Variants in ALPK1 observed in about 807,000 individuals in gnomAD.
The protein encoded by ALPK1 is alpha-protein kinase 1.
Under a neutral mutation model 120.6 loss-of-function variants are expected in ALPK1, and 110 were observed. The ratio of observed to expected loss-of-function variants is 0.91; its 90% CI spans 0.78 to 1.07. The LOEUF is 1.07. Among genes scored for constraint, ALPK1 ranks in the 50% least tolerant of loss-of-function variants. The pLI is 0.00. For synonymous variants in ALPK1, 582 were observed against 560.3 expected (o/e 1.04, Z -0.55); for missense variants, 1,498 against 1,483.9 (o/e 1.01, Z -0.16).
intron 2 of ALPK1, among the ~76,000 whole-genome samples, chr4:112,369,224 T>C (rs1161795839): frequency 1.3e-5 from 2 of 152,178 alleles, no homozygotes. Flanking sequence ...TTTAATGCAG[T>C]TTTAAAATGC....
At chr4:112,428,465 G>T (rs1734338583) in intron 9 of ALPK1, among the ~76,000 whole-genome samples, 1 of 152,204 alleles carries the variant, frequency 6.6e-6, no homozygotes, top group Non-Finnish European at 1.5e-5. Context: ...ACAGCTTGCT[G>T]ATGGTAATCT....
chr4:112,344,999 G>T (rs1480424976), intron 2 of ALPK1, among the ~76,000 whole-genome samples: 1 of 152,204 alleles, frequency 6.6e-6, no homozygotes, highest in Non-Finnish European at 1.5e-5. Flanking sequence ...TGAAGTTGGA[G>T]ATTTTCTTTC....
chr4:112,333,111 G>A (rs1413892334), intron 2 of ALPK1, among the ~76,000 whole-genome samples: 2 of 152,168 alleles, frequency 1.3e-5, no homozygotes, highest in African/African-American at 2.4e-5. Context: ...ATAATACATA[G>A]ATGAAGTAAA....
chr4:112,330,869 T>C (rs1474885995), intron 2 of ALPK1, among the ~76,000 whole-genome samples: 2 of 152,152 alleles, frequency 1.3e-5, no homozygotes, highest in African/African-American at 2.4e-5. Context: ...GTGGGTGAAT[T>C]AAGCTTTCAG....
At chr4:112,314,854 A>G (rs1348877697) in intron 1 of ALPK1, among the ~76,000 whole-genome samples, 1 of 143,842 alleles carries the variant, frequency 7.0e-6, no homozygotes, top group African/African-American at 2.6e-5. Context: ...AATGTAAATT[A>G]CTGGGAAGAG....
chr4:112,358,245 A>C, intron 2 of ALPK1: 1 of 587,372 alleles, frequency 1.7e-6, no homozygotes, highest in Non-Finnish European at 3.2e-6. Flanking sequence ...GCCTTTGCAG[A>C]CGCCAGAGCC....
chr4:112,363,822 C>T (rs192263033), intron 2 of ALPK1, among the ~76,000 whole-genome samples: 1 of 152,242 alleles, frequency 6.6e-6, no homozygotes, highest in East Asian at 1.9e-4. Context: ...CAAAACAAGT[C>T]TCAACAAATT....
intron 2 of ALPK1, among the ~76,000 whole-genome samples, chr4:112,368,226 A>T (rs1017635892): frequency 6.6e-6 from 1 of 152,186 alleles, no homozygotes; most frequent in African/African-American, 2.4e-5. Context: ...CCTAGAGTGA[A>T]TATTTTTATC....
intron 4 of ALPK1, among the ~76,000 whole-genome samples, chr4:112,399,014 A>C (rs1184619722): frequency 6.6e-6 from 1 of 152,232 alleles, no homozygotes; most frequent in Admixed American, 6.5e-5. Flanking sequence ...TGCTTTAAAC[A>C]TGATGAGTTT....
chr4:112,332,030 T>G (rs1415596839), intron 2 of ALPK1, among the ~76,000 whole-genome samples: 1 of 152,170 alleles, frequency 6.6e-6, no homozygotes, highest in Non-Finnish European at 1.5e-5. Context: ...GACTTTACGC[T>G]CAAGTCTGGG....
Position 112,411,942 on chromosome 4 carries a change from C to A in ALPK1, c.392C>A (p.Ala131Asp). The A allele has an allele frequency of 2.5e-6, 4 of 1,614,174 alleles. No homozygotes were observed. Among genetic ancestry groups the A allele is most frequent in the South Asian group, 1.1e-5 (1 of 91,076 alleles). Reference protein sequence around the residue: ...LDVSGKLLQVAKGLHKLQPAT... With the variant: ...LDVSGKLLQVDKGLHKLQPAT... ...GTCTCTGGAAAACTTCTGCAGGTCG[C>A]CAAAGGTCTCCACAAGTTGCAGCCA... is the stretch of plus-strand genomic sequence containing the variant. Residue 131 changes from alanine to aspartate, a missense_variant, in exon 5 of 16, where the codon GCC becomes GAC. Ala to Asp is a moderately radical substitution (Grantham distance 126). Coordinates refer to ENST00000650871, the MANE Select transcript of ALPK1 (RefSeq NM_025144.4).
intron 12 of ALPK1, among the ~76,000 whole-genome samples, chr4:112,435,740 A>G (rs1162483127): frequency 1.3e-5 from 2 of 152,242 alleles, no homozygotes; most frequent in Non-Finnish European, 1.5e-5. Context: ...GATATAAGTG[A>G]TTGCTGAACC....
intron 10 of ALPK1, among the ~76,000 whole-genome samples, chr4:112,429,901 AT>A (rs1333855363): frequency 1.8e-4 from 27 of 152,052 alleles, no homozygotes; most frequent in African/African-American, 6.5e-4. Context: ...AAAGAAAAAA[AT>A]ACTACACATT....
chr4:112,382,642 C>T (rs754683067), intron 4 of ALPK1, 90 bp downstream of exon 4: 2 of 1,563,740 alleles, frequency 1.3e-6, no homozygotes, highest in Admixed American at 1.7e-5. Flanking sequence ...TTCTTTGAAG[C>T]ACAAGACAGC....
Position 112,431,967 on chromosome 4 carries a change from A to G in ALPK1, c.2420A>G (p.His807Arg), listed in dbSNP as rs1221294549. Reference sequence around the variant, plus strand: ...CCCTTAGACTTTCACAGGGTCCTGCACAATTCTCTGGGAAACATTTCCATG... The same window carrying G: ...CCCTTAGACTTTCACAGGGTCCTGCGCAATTCTCTGGGAAACATTTCCATG... ...DAPLDFHRVLHNSLGNISMLP... is the reference protein window; with the variant it reads ...DAPLDFHRVLRNSLGNISMLP... Residue 807 changes from histidine (H) to arginine (R), a missense_variant, in exon 11 of 16, where the codon CAC (histidine) becomes CGC (arginine). Transcript: ENST00000650871. 1 of 1,614,162 alleles carries G rather than the reference A, an allele frequency of 6.2e-7. No individual in the cohort carries two copies.
At chr4:112,379,359 G>A (rs990480491) in intron 3 of ALPK1, among the ~76,000 whole-genome samples, 10 of 152,234 alleles carry the variant, frequency 6.6e-5, no homozygotes, top group African/African-American at 2.4e-4. Flanking sequence ...TGATCAGAGA[G>A]GCAGAGGAGG....
chr4:112,335,030 G>A (rs1729550588), intron 2 of ALPK1, among the ~76,000 whole-genome samples: 1 of 152,122 alleles, frequency 6.6e-6, no homozygotes, highest in Admixed American at 6.5e-5. Context: ...GGCCGAGGAG[G>A]GCGGATCACC....
chr4:112,408,436 C>T (rs1733296258), intron 4 of ALPK1, among the ~76,000 whole-genome samples: 1 of 151,910 alleles, frequency 6.6e-6, no homozygotes, highest in Non-Finnish European at 1.5e-5. Flanking sequence ...TTTGCTTTTC[C>T]ATCTTTGATT....
chr4:112,299,231 A>G (rs184617151), intron 1 of ALPK1, among the ~76,000 whole-genome samples: 1 of 152,240 alleles, frequency 6.6e-6, no homozygotes, highest in East Asian at 1.9e-4. Flanking sequence ...AAGAAAGAAT[A>G]TTATCTGGTG....
Sources: allele counts gnomAD v4.1 joint callset (sites outside exome capture counted in the v4.1 genomes callset), GRCh38; gene constraint gnomAD v4.1.1; transcripts MANE v1.5; gene names NCBI Gene and HGNC (gene_info 2026-07-23, HGNC 2026-07-21).